ESRRG: variants seen among roughly 807,000 people sequenced by gnomAD.
The protein encoded by ESRRG is estrogen-related receptor gamma.
In ESRRG, 13 loss-of-function variants were observed where a neutral mutation model predicts 44.0. That is an observed-to-expected ratio of 0.30 (90% CI 0.19 to 0.47). The LOEUF (loss-of-function observed/expected upper bound fraction) is 0.47. ESRRG is among the 20% of genes least tolerant of loss of function. The pLI, the probability that ESRRG is intolerant of heterozygous loss-of-function variation, is 1.00. For synonymous variants in ESRRG, 215 were observed against 214.6 expected, an observed-to-expected ratio of 1.00 and a Z score of -0.02; for missense variants, 395 against 580.6, an observed-to-expected ratio of 0.68 and a Z score of 3.29.
At chr1:217,052,242 A>T (rs555857604) in intron 1 of ESRRG, among the ~76,000 whole-genome samples, 143 of 152,342 alleles carry the variant, frequency 9.4e-4, no homozygotes, top group African/African-American at 3.3e-3. Flanking sequence ...TTTTAAAACT[A>T]TGAAGAAAGT....
At position 216,605,810 on chromosome 1, in the gene ESRRG, A is replaced by C. The variant is rs182977894; in HGVS notation, c.590-37712T>G. Among the ~76,000 whole-genome samples the C allele has an allele frequency of 3.6e-4, 55 of 152,072 alleles. 2 individuals carry two copies. In the East Asian group the frequency reaches 0.01, roughly 28 times the overall value. On this transcript the variant is annotated intron_variant, in intron 3 of 6. Transcript: ENST00000408911. ...TATGAAAGAGAAAAGTAAACGAAAGACTGGGTTTCATCCTTATGCACCCAA... is the reference window on the plus strand; with the variant it reads ...TATGAAAGAGAAAAGTAAACGAAAGCCTGGGTTTCATCCTTATGCACCCAA...
chr1:216,538,292 G>C (rs4420152), intron 5 of ESRRG, among the ~76,000 whole-genome samples: 4 of 151,906 alleles, frequency 2.6e-5, no homozygotes, highest in Admixed American at 6.6e-5. Flanking sequence ...AACTTGGAAG[G>C]TCTCAAGGAC....
chr1:216,645,341 A>T (rs1002060402), intron 3 of ESRRG, among the ~76,000 whole-genome samples: 1 of 152,096 alleles, frequency 6.6e-6, no homozygotes, highest in Non-Finnish European at 1.5e-5. Flanking sequence ...AGTCATCATC[A>T]TCATCATCAT....
chr1:216,948,269 G>C (rs1185429296), intron 1 of ESRRG, among the ~76,000 whole-genome samples: 1 of 151,760 alleles, frequency 6.6e-6, no homozygotes, highest in East Asian at 1.9e-4. Flanking sequence ...AAGAAATAGG[G>C]GACCTGGCCA....
At chr1:217,029,047 C>G (rs958904407) in intron 1 of ESRRG, among the ~76,000 whole-genome samples, 1 of 96,988 alleles carries the variant, frequency 1.0e-5, no homozygotes. Context: ...AAAATGAGCT[C>G]TCTGAAAAAC....
intron 2 of ESRRG, among the ~76,000 whole-genome samples, chr1:216,920,502 A>T (rs2061704173): frequency 6.6e-6 from 1 of 152,058 alleles, no homozygotes; most frequent in African/African-American, 2.4e-5. Flanking sequence ...TAAGAATTAG[A>T]TGAGAATATT....
chr1:217,025,353 A>T (rs943460088), intron 1 of ESRRG, among the ~76,000 whole-genome samples: 6 of 86,476 alleles, frequency 6.9e-5, no homozygotes, highest in Admixed American at 1.5e-4. Context: ...TTTCTGCTTT[A>T]AAAAAAAAAA....
chr1:217,018,304 C>T (rs1400730789), intron 1 of ESRRG, among the ~76,000 whole-genome samples: 1 of 152,092 alleles, frequency 6.6e-6, no homozygotes, highest in South Asian at 2.1e-4. Context: ...AATAGGAAGA[C>T]AAACACTCCC....
chr1:216,707,970 A>G (rs1279817584), intron 1 of ESRRG, among the ~76,000 whole-genome samples: 2 of 152,222 alleles, frequency 1.3e-5, no homozygotes, highest in African/African-American at 2.4e-5. Flanking sequence ...GATACTTAAA[A>G]ATACTAAACA....
At chr1:217,086,919 CAT>C (rs1491573065) in intron 1 of ESRRG, among the ~76,000 whole-genome samples, 2 of 111,176 alleles carry the variant, frequency 1.8e-5, no homozygotes, top group African/African-American at 2.5e-5. Context: ...ACACACAAGA[CAT>C]TTTTTTTTTA....
chr1:216,653,882 G>A (rs1429701412), intron 2 of ESRRG, among the ~76,000 whole-genome samples: 1 of 151,928 alleles, frequency 6.6e-6, no homozygotes, highest in Non-Finnish European at 1.5e-5. Flanking sequence ...GGGAGGCCGA[G>A]GCAGGTGAAT....
intron 5 of ESRRG, among the ~76,000 whole-genome samples, chr1:216,520,716 G>GAA (rs1457047479): frequency 2.0e-5 from 3 of 152,056 alleles, no homozygotes; most frequent in Non-Finnish European, 4.4e-5. Context: ...CATCATTTAA[G>GAA]GTCCTGCCAC....
At chr1:216,938,304 A>T (rs11572493) in intron 2 of ESRRG, among the ~76,000 whole-genome samples, 2 of 152,224 alleles carry the variant, frequency 1.3e-5, no homozygotes, top group Admixed American at 6.5e-5. Context: ...AAAGCAGGGC[A>T]CACCTGTAGT....
At chr1:216,624,577 TCA>T (rs2062841348) in intron 3 of ESRRG, among the ~76,000 whole-genome samples, 1 of 152,118 alleles carries the variant, frequency 6.6e-6, no homozygotes, top group Admixed American at 6.5e-5. Context: ...ACATGGAAAA[TCA>T]CACAGAGACA....
At chr1:216,529,266 T>A (rs1218036567) in intron 5 of ESRRG, among the ~76,000 whole-genome samples, 1 of 152,176 alleles carries the variant, frequency 6.6e-6, no homozygotes, top group Non-Finnish European at 1.5e-5. Context: ...AAACATTTTT[T>A]AATAGGTCAG....
At chr1:217,014,239 G>T (rs2150829557) in intron 1 of ESRRG, among the ~76,000 whole-genome samples, 1 of 152,126 alleles carries the variant, frequency 6.6e-6, no homozygotes, top group African/African-American at 2.4e-5. Flanking sequence ...GGATGAAGTG[G>T]GTGTTGACTG....
intron 3 of ESRRG, among the ~76,000 whole-genome samples, chr1:216,599,543 T>C (rs2058910824): frequency 6.6e-6 from 1 of 152,180 alleles, no homozygotes; most frequent in African/African-American, 2.4e-5. Flanking sequence ...ATTATCCCTT[T>C]CTTACAAAGA....
At chr1:216,558,965 G>T (rs2058153962) in intron 5 of ESRRG, among the ~76,000 whole-genome samples, 1 of 151,974 alleles carries the variant, frequency 6.6e-6, no homozygotes, top group South Asian at 2.1e-4. Context: ...CGCCTCCTGG[G>T]TTCAAGTGAT....
chr1:216,809,191 A>G (rs941128987), intron 2 of ESRRG, among the ~76,000 whole-genome samples: 1 of 152,166 alleles, frequency 6.6e-6, no homozygotes, highest in Non-Finnish European at 1.5e-5. Flanking sequence ...CAATTAAGCC[A>G]AGGCTCTGAA....
Sources: allele counts gnomAD v4.1 joint callset (sites outside exome capture counted in the v4.1 genomes callset), GRCh38; gene constraint gnomAD v4.1.1; transcripts MANE v1.5; gene names NCBI Gene and HGNC (gene_info 2026-07-23, HGNC 2026-07-21).